GLUD1: variants seen among roughly 807,000 people sequenced by gnomAD.
GLUD1 encodes glutamate dehydrogenase 1, mitochondrial.
A neutral mutation model predicts 56.0 loss-of-function variants in GLUD1; 22 were observed. The ratio of observed to expected loss-of-function variants is 0.39; its 90% CI spans 0.28 to 0.56. The LOEUF (loss-of-function observed/expected upper bound fraction) is 0.56. Among genes scored for constraint, GLUD1 ranks in the 20% least tolerant of loss-of-function variants. GLUD1 has a pLI of 0.58. For synonymous variants in GLUD1, 223 were observed against 269.9 expected (o/e 0.83, Z 1.70); for missense variants, 451 against 732.0 (o/e 0.62, Z 4.43).
At chr10:87,079,887 GCTCTCCCTCTCCCTCCCCCTCCCC>G (rs1841160165) in intron 1 of GLUD1, among the ~76,000 whole-genome samples, 1 of 146,312 alleles carries the variant, frequency 6.8e-6, no homozygotes, top group Non-Finnish European at 1.5e-5. Context: ...AAGAACTAGT[GCTCTCCCTCTCCCTCCCCCTCCCC>G]CTCCCCCTCT....
At chr10:87,064,471 A>G (rs1289837221) in intron 5 of GLUD1, among the ~76,000 whole-genome samples, 4 of 152,258 alleles carry the variant, frequency 2.6e-5, no homozygotes, top group Non-Finnish European at 5.9e-5. Flanking sequence ...GTATAAAATA[A>G]TAAATTTGTT....
At chr10:87,081,725 T>C (rs1196885551) in intron 1 of GLUD1, among the ~76,000 whole-genome samples, 1 of 152,026 alleles carries the variant, frequency 6.6e-6, no homozygotes, top group African/African-American at 2.4e-5. Flanking sequence ...AAGATGTGCT[T>C]TGTTAAACAG....
chr10:87,059,128 G>A (rs146034815), intron 10 of GLUD1, 22 bp downstream of exon 10: 79 of 1,611,982 alleles, frequency 4.9e-5, no homozygotes, highest in Middle Eastern at 2.2e-4. Flanking sequence ...GAGTTTTGGC[G>A]AACAAGATTA....
intron 1 of GLUD1, among the ~76,000 whole-genome samples, chr10:87,089,063 G>A (rs1841453521): frequency 6.6e-6 from 1 of 152,192 alleles, no homozygotes; most frequent in South Asian, 2.1e-4. Context: ...CATCTATGCT[G>A]AGTTTTATAT....
intron 10 of GLUD1, among the ~76,000 whole-genome samples, chr10:87,058,437 T>C (rs1363108374): frequency 6.6e-6 from 1 of 152,154 alleles, no homozygotes; most frequent in Non-Finnish European, 1.5e-5. Context: ...TTCAACTAGA[T>C]GAGAAATTCT....
At position 87,053,353 on chromosome 10, in the gene GLUD1, G is replaced by A. The variant is rs1471790434; in HGVS notation, c.1546C>T (p.Arg516Cys). Residue 516 changes from arginine to cysteine, a missense_variant, in exon 12 of 13, where the codon CGT becomes TGT. Physicochemically the swap from Arg to Cys is radical, Grantham distance 180. Transcript: ENST00000277865. ...ATCTGCACACATACCCTGGCAGAAC[G>A]CTCCATTGTGTATGCCAAGCCAGAG... ...VHSGLAYTME[R>C]SARQIMRTAM... 3.7e-6 allele frequency: 6 copies of A among 1,608,098 alleles called. No homozygotes were observed. Among genetic ancestry groups the A allele is most frequent in the Non-Finnish European group, 3.4e-6 (4 of 1,174,640 alleles).
At position 87,053,355 on chromosome 10, in the gene GLUD1, T is replaced by G; in HGVS notation, c.1544A>C (p.Glu515Ala). Reference sequence around the variant, plus strand: ...CTGCACACATACCCTGGCAGAACGCTCCATTGTGTATGCCAAGCCAGAGTG... The same window carrying G: ...CTGCACACATACCCTGGCAGAACGCGCCATTGTGTATGCCAAGCCAGAGTG... Reference protein sequence around the residue: ...IVHSGLAYTMERSARQIMRTA... With the variant: ...IVHSGLAYTMARSARQIMRTA... Residue 515 changes from glutamate to alanine, a missense_variant, in exon 12 of 13, where the codon GAG becomes GCG. Around this residue, in one of 4 missense-constraint regions of GLUD1, gnomAD observed 43 missense variants for 61.6 expected, o/e 0.70. Transcript: ENST00000277865. 3 of 1,609,770 alleles carry G rather than the reference T, an allele frequency of 1.9e-6. No homozygotes were observed. The highest frequency in any genetic ancestry group is 2.6e-6 in the Non-Finnish European group (3 of 1,176,010).
intron 1 of GLUD1, chr10:87,089,531 G>T: frequency 1.3e-6 from 1 of 753,704 alleles, no homozygotes. Flanking sequence ...ACACAGAGCT[G>T]AATAAATGTT....
chr10:87,070,473 C>T (rs963976813), intron 4 of GLUD1, among the ~76,000 whole-genome samples: 1 of 152,072 alleles, frequency 6.6e-6, no homozygotes, highest in African/African-American at 2.4e-5. Flanking sequence ...GAGGCACATG[C>T]CCATAGTCCC....
At chr10:87,070,307 A>C (rs1790126344) in intron 4 of GLUD1, among the ~76,000 whole-genome samples, 1 of 152,162 alleles carries the variant, frequency 6.6e-6, no homozygotes, top group South Asian at 2.1e-4. Flanking sequence ...TACATTTAAA[A>C]AACAAAAAAC....
chr10:87,061,240 G>A, intron 6 of GLUD1, 188 bp from the exon 7 acceptor site: 1 of 713,464 alleles, frequency 1.4e-6, no homozygotes, highest in Admixed American at 2.0e-5. Context: ...AGAATGTGAT[G>A]AGCGGGCATG....
At chr10:87,093,426 C>T (rs1052510436) in intron 1 of GLUD1, among the ~76,000 whole-genome samples, 1 of 152,156 alleles carries the variant, frequency 6.6e-6, no homozygotes, top group Non-Finnish European at 1.5e-5. Context: ...CTTATTTGCT[C>T]GAAGAAAGCA....
chr10:87,057,917 G>C (rs1470961741), intron 10 of GLUD1, 135 bp from the exon 11 acceptor site: 1 of 645,680 alleles, frequency 1.5e-6, no homozygotes, highest in Non-Finnish European at 2.8e-6. Context: ...CACCCAGGCT[G>C]GAGTGTAGAG....
intron 1 of GLUD1, among the ~76,000 whole-genome samples, chr10:87,087,102 AG>A (rs2133854077): frequency 6.6e-6 from 1 of 152,266 alleles, no homozygotes; most frequent in East Asian, 1.9e-4. Flanking sequence ...GCTACCAACC[AG>A]GGGGTTCCCA....
rs767525246 is a variant in GLUD1, at chr10:87,061,054, T to C, written c.922-2A>G. 1 of 1,613,320 alleles carries C rather than the reference T, an allele frequency of 6.2e-7. No homozygotes were observed. Among genetic ancestry groups the C allele is most frequent in the Non-Finnish European group, 8.5e-7 (1 of 1,179,244 alleles). On this transcript the variant is annotated splice_acceptor_variant, in intron 6 of 12. Coordinates refer to ENST00000277865, the MANE Select transcript of GLUD1 (RefSeq NM_005271.5). LOFTEE classifies it high-confidence loss of function. ...GTGTAGGCCCACATTACCAAATCCC[T>C]GTGAAGAACAATTACCCATAACACA...
chr10:87,069,215 A>T (rs1411309962), intron 4 of GLUD1, among the ~76,000 whole-genome samples: 5 of 152,072 alleles, frequency 3.3e-5, no homozygotes, highest in Non-Finnish European at 5.9e-5. Flanking sequence ...AACGCAACTT[A>T]AAAAATGGTT....
At chr10:87,076,130 TC>T in intron 2 of GLUD1, 107 bp from the exon 3 acceptor site, 1 of 830,416 alleles carries the variant, frequency 1.2e-6, no homozygotes, top group Non-Finnish European at 2.1e-6. Flanking sequence ...AGCTTGAATT[TC>T]TGAAAATTCA....
chr10:87,085,365 A>C (rs1292885540), intron 1 of GLUD1, among the ~76,000 whole-genome samples: 1 of 151,074 alleles, frequency 6.6e-6, no homozygotes. Flanking sequence ...AAAAAAAAAA[A>C]CCAGAAAAAT....
chr10:87,055,451 A>T (rs1845745813), intron 11 of GLUD1, among the ~76,000 whole-genome samples: 1 of 152,126 alleles, frequency 6.6e-6, no homozygotes, highest in Non-Finnish European at 1.5e-5. Flanking sequence ...GACAAGGCAT[A>T]TGCTGGGCAG....
Sources: allele counts gnomAD v4.1 joint callset (sites outside exome capture counted in the v4.1 genomes callset), GRCh38; gene constraint gnomAD v4.1.1; regional missense constraint gnomAD v4.1.1; transcripts MANE v1.5; gene names NCBI Gene and HGNC (gene_info 2026-07-23, HGNC 2026-07-21).